FGF12: variants seen among roughly 807,000 people sequenced by gnomAD.
The protein encoded by FGF12 is fibroblast growth factor 12B.
FGF12 carries 14 observed loss-of-function variants against 23.6 expected under a neutral mutation model. The ratio of observed to expected loss-of-function variants is 0.59; its 90% CI spans 0.39 to 0.93. FGF12 has a LOEUF of 0.93. Among genes scored for constraint, FGF12 ranks in the 40% least tolerant of loss-of-function variants. The pLI, the probability that FGF12 is intolerant of heterozygous loss-of-function variation, is 0.00. For synonymous variants in FGF12, 62 were observed against 77.3 expected (o/e 0.80, Z 1.04); for missense variants, 175 against 217.8 (o/e 0.80, Z 1.24).
chr3:192,376,436 G>A (rs1402919678), intron 2 of FGF12, among the ~76,000 whole-genome samples: 1 of 151,912 alleles, frequency 6.6e-6, no homozygotes, highest in Non-Finnish European at 1.5e-5. Flanking sequence ...GATCTTGGCT[G>A]ACCGCAACCT....
rs145364738 is a variant in FGF12, at chr3:192,647,228, C to T, written c.13+79953G>A. ...AGTACAGTTAGGAAGTCTCCTCCTT[C>T]GTGCTGAATGATAAGATTGATCAAA... On this transcript the variant is annotated intron_variant, in intron 2 of 5. Transcript: ENST00000445105. Among the ~76,000 whole-genome samples the T allele has an allele frequency of 8.5e-3, 1,289 of 152,150 alleles. 15 individuals are homozygous for T. The highest frequency in any genetic ancestry group is 0.029 in the African/African-American group (1,215 of 41,516).
chr3:192,425,075 C>A (rs181788220), intron 2 of FGF12, among the ~76,000 whole-genome samples: 4 of 152,276 alleles, frequency 2.6e-5, no homozygotes, highest in Admixed American at 1.3e-4. Flanking sequence ...AAGCGGTCTC[C>A]TGCCAACTTT....
intron 2 of FGF12, among the ~76,000 whole-genome samples, chr3:192,661,157 A>G (rs929657150): frequency 6.7e-6 from 1 of 149,446 alleles, no homozygotes; most frequent in African/African-American, 2.5e-5. Flanking sequence ...CCTGGCTGAG[A>G]AAAGCAAGGT....
At chr3:192,174,016 C>T (rs897954794) in intron 4 of FGF12, among the ~76,000 whole-genome samples, 18 of 152,182 alleles carry the variant, frequency 1.2e-4, no homozygotes, top group Non-Finnish European at 1.3e-4. Flanking sequence ...ACGGGCTCCT[C>T]GCTGCTGGTT....
chr3:192,545,978 A>G lies in FGF12; in HGVS notation c.13+181203T>C, dbSNP rs1282372762. Among the ~76,000 whole-genome samples, 6 of 152,340 alleles carry G rather than the reference A, an allele frequency of 3.9e-5. No homozygotes were observed. The South Asian group carries it at 1.0e-3, about 26-fold the overall frequency. ...TCTATGCTCTGAATGGATTCCACCC[A>G]AATAAACTAAGGAAGAAGTCATAAC... On this transcript the variant is annotated intron_variant, in intron 2 of 5. Coordinates refer to ENST00000445105, the MANE Select transcript of FGF12 (RefSeq NM_004113.6).
chr3:192,571,779 A>T (rs912116538), intron 2 of FGF12, among the ~76,000 whole-genome samples: 1 of 152,146 alleles, frequency 6.6e-6, no homozygotes, highest in African/African-American at 2.4e-5. Context: ...TCAAAGCCAC[A>T]TCACCAACTT....
At chr3:192,567,749 C>G (rs1712375804) in intron 2 of FGF12, among the ~76,000 whole-genome samples, 1 of 122,152 alleles carries the variant, frequency 8.2e-6, no homozygotes, top group Non-Finnish European at 1.8e-5. Context: ...TTCTTTCTTT[C>G]TTTCTTTCTT....
intron 2 of FGF12, among the ~76,000 whole-genome samples, chr3:192,458,882 G>T (rs2108806013): frequency 6.6e-6 from 1 of 152,278 alleles, no homozygotes; most frequent in South Asian, 2.1e-4. Context: ...GTTGTGGGAG[G>T]GATCCAGTGG....
intron 4 of FGF12, among the ~76,000 whole-genome samples, chr3:192,206,340 C>A (rs1193353146): frequency 3.9e-5 from 6 of 152,176 alleles, no homozygotes; most frequent in African/African-American, 1.2e-4. Context: ...AGCCTGAAAT[C>A]AGATATGAGA....
At chr3:192,533,147 G>C (rs1725137238) in intron 2 of FGF12, among the ~76,000 whole-genome samples, 1 of 152,170 alleles carries the variant, frequency 6.6e-6, no homozygotes, top group Non-Finnish European at 1.5e-5. Context: ...TTCTTCAAAA[G>C]TGTATAATGG....
At chr3:192,649,378 T>G (rs778669165) in intron 2 of FGF12, among the ~76,000 whole-genome samples, 14 of 152,054 alleles carry the variant, frequency 9.2e-5, no homozygotes, top group Non-Finnish European at 1.8e-4. Flanking sequence ...ATCTCATTAT[T>G]CATTGACTTC....
At chr3:192,616,493 C>T (rs1170690893) in intron 2 of FGF12, among the ~76,000 whole-genome samples, 1 of 151,864 alleles carries the variant, frequency 6.6e-6, no homozygotes, top group East Asian at 1.9e-4. Context: ...ATTTGAGTAG[C>T]CCTGGACACA....
At chr3:192,455,172 T>C (rs1056744281) in intron 2 of FGF12, among the ~76,000 whole-genome samples, 2 of 152,166 alleles carry the variant, frequency 1.3e-5, no homozygotes, top group Admixed American at 6.5e-5. Context: ...AATAATATGA[T>C]GTACAGAAAG....
At chr3:192,455,989 A>G (rs1177627385) in intron 2 of FGF12, among the ~76,000 whole-genome samples, 1 of 152,188 alleles carries the variant, frequency 6.6e-6, no homozygotes, top group African/African-American at 2.4e-5. Flanking sequence ...GGTCCCCTAA[A>G]GCCAGTAACT....
chr3:192,534,826 G>C (rs1226311547), intron 2 of FGF12, among the ~76,000 whole-genome samples: 2 of 152,072 alleles, frequency 1.3e-5, no homozygotes, highest in African/African-American at 4.8e-5. Flanking sequence ...ACCGATTTTA[G>C]AACTATTTAA....
intron 2 of FGF12, among the ~76,000 whole-genome samples, chr3:192,453,740 T>A (rs967872012): frequency 6.6e-6 from 1 of 152,122 alleles, no homozygotes; most frequent in African/African-American, 2.4e-5. Context: ...TGGGCTCAGC[T>A]CTCCTAGCAT....
intron 4 of FGF12, among the ~76,000 whole-genome samples, chr3:192,302,531 G>T (rs181277005): frequency 2.2e-4 from 33 of 152,258 alleles, no homozygotes; most frequent in African/African-American, 7.9e-4. Context: ...TTGATGTTGG[G>T]GATTTAAGGA....
Position 192,408,309 on chromosome 3 carries a change from C to A in FGF12, c.14-47771G>T, listed in dbSNP as rs769389321. The A allele has an allele frequency of 3.2e-5, 46 of 1,453,754 alleles. No homozygotes were observed. Among genetic ancestry groups the A allele is most frequent in the Non-Finnish European group, 4.0e-5 (44 of 1,108,702 alleles). 90.1% of individuals were successfully genotyped at this position (1,453,754 alleles called of 1,614,324 possible). A position where few individuals can be genotyped will look rare whatever the true frequency, so the allele number is the denominator to read the frequency against. ...CGGGGCGAGGGCAGGACCTGGGCGG[C>A]CAGGGAAAGGGCAGTCGCGGGGAGG... On this transcript the variant is annotated intron_variant, in intron 2 of 5. Transcript: ENST00000445105. The surrounding 1 kb of genome is among the most constrained non-coding windows in gnomAD (Gnocchi z 7.3).
intron 4 of FGF12, among the ~76,000 whole-genome samples, chr3:192,241,464 AG>A (rs1181391531): frequency 6.6e-6 from 1 of 152,174 alleles, no homozygotes; most frequent in African/African-American, 2.4e-5. Context: ...AGGGGATAAG[AG>A]GAAAAAGCAG....
Sources: gnomAD v4.1 joint callset for allele counts (sites outside exome capture counted in the v4.1 genomes callset) on GRCh38, gnomAD v4.1.1 for gene constraint, Gnocchi (gnomAD v3.1) non-coding constraint, MANE v1.5 for transcripts, NCBI Gene and HGNC (gene_info 2026-07-23, HGNC 2026-07-21) for gene names.